The following NKAIN3 variants were observed in gnomAD, a reference collection of about 807,000 sequenced individuals.
NKAIN3 encodes sodium/potassium-transporting ATPase subunit beta-1-interacting protein 3.
A neutral mutation model predicts 30.2 loss-of-function variants in NKAIN3; 25 were observed. The observed-to-expected ratio is 0.83, with a 90% CI of 0.60 to 1.16. The LOEUF is 1.16. Among genes scored for constraint, NKAIN3 ranks in the 50% most tolerant of loss-of-function variants. NKAIN3 has a pLI of 0.00. For missense variants in NKAIN3, 225 were observed against 254.1 expected (o/e 0.89, Z 0.78); for synonymous variants, 91 against 89.6 (o/e 1.02, Z -0.09).
rs532834203 is a variant in NKAIN3 at position 62,394,640 on chromosome 8, G to T, written c.54+145513G>T. Among the ~76,000 whole-genome samples, 12 of 152,266 alleles carry T rather than the reference G, an allele frequency of 7.9e-5. No homozygotes were observed. The South Asian group carries it at 2.5e-3, about 32-fold the overall frequency. On this transcript the variant is annotated intron_variant, in intron 1 of 6. Transcript: ENST00000623646. ...CAGACAATGTGGTGGCCAGACAGAG[G>T]TGCTCCTCACTTCCCAGACCTGGCG...
rs572396657 is a variant in NKAIN3 at position 62,827,608 on chromosome 8, C to G, written c.471+80479C>G. On this transcript the variant is annotated intron_variant, in intron 4 of 6. Coordinates refer to ENST00000623646, the MANE Select transcript of NKAIN3 (RefSeq NM_001304533.3). ...TGTGTGTCTCTCTGACACCTGCTCCCAAGTCCATTATTATCCTCAATTCTC... is the reference window on the plus strand; with the variant it reads ...TGTGTGTCTCTCTGACACCTGCTCCGAAGTCCATTATTATCCTCAATTCTC... Among the ~76,000 whole-genome samples the G allele has an allele frequency of 5.3e-5, 8 of 152,210 alleles. No homozygotes were observed. The South Asian group carries it at 1.5e-3, about 28-fold the overall frequency.
At chr8:62,354,792 A>G (rs969327316) in intron 1 of NKAIN3, among the ~76,000 whole-genome samples, 6 of 152,150 alleles carry the variant, frequency 3.9e-5, no homozygotes, top group African/African-American at 1.4e-4. Flanking sequence ...CAGCATCTGT[A>G]TATCCAATCC....
intron 2 of NKAIN3, among the ~76,000 whole-genome samples, chr8:62,583,697 TTTCA>T (rs1194570393): frequency 3.3e-5 from 5 of 152,192 alleles, no homozygotes; most frequent in Non-Finnish European, 5.9e-5. Context: ...TGTGCTTTGC[TTTCA>T]CTGGCAGATT....
chr8:62,843,421 C>T (rs1433519674), intron 4 of NKAIN3, among the ~76,000 whole-genome samples: 1 of 151,810 alleles, frequency 6.6e-6, no homozygotes, highest in Non-Finnish European at 1.5e-5. Context: ...ACTGCAACCT[C>T]CACCTCACTC....
intron 3 of NKAIN3, among the ~76,000 whole-genome samples, chr8:62,669,909 A>T (rs186089406): frequency 6.6e-6 from 1 of 152,162 alleles, no homozygotes; most frequent in Non-Finnish European, 1.5e-5. Context: ...CTTGATTTTT[A>T]AAATGATATA....
chr8:62,416,217 T>C (rs1804440575), intron 1 of NKAIN3, among the ~76,000 whole-genome samples: 1 of 152,174 alleles, frequency 6.6e-6, no homozygotes, highest in South Asian at 2.1e-4. Flanking sequence ...CATCTACAAT[T>C]CATACTCATT....
At chr8:62,877,896 C>G (rs954808919) in intron 4 of NKAIN3, among the ~76,000 whole-genome samples, 11 of 151,858 alleles carry the variant, frequency 7.2e-5, no homozygotes, top group African/African-American at 2.7e-4. Context: ...CAAAATTAGC[C>G]GGGCATGGTG....
chr8:62,609,662 A>G (rs1811229343), intron 3 of NKAIN3, among the ~76,000 whole-genome samples: 1 of 151,974 alleles, frequency 6.6e-6, no homozygotes, highest in Admixed American at 6.5e-5. Flanking sequence ...AGAGAAAAAA[A>G]CAACAAAATA....
intron 1 of NKAIN3, among the ~76,000 whole-genome samples, chr8:62,454,966 G>A (rs1435088322): frequency 6.6e-6 from 1 of 152,166 alleles, no homozygotes. Flanking sequence ...AGTGAAGTTG[G>A]CACATGCCAA....
intron 1 of NKAIN3, among the ~76,000 whole-genome samples, chr8:62,319,715 G>A (rs571765548): frequency 2.6e-5 from 4 of 152,230 alleles, no homozygotes; most frequent in Admixed American, 2.0e-4. Flanking sequence ...TATAATTTCT[G>A]TTCTTTCACA....
chr8:62,392,231 A>C (rs1215999125), intron 1 of NKAIN3, among the ~76,000 whole-genome samples: 1 of 152,050 alleles, frequency 6.6e-6, no homozygotes, highest in Non-Finnish European at 1.5e-5. Context: ...TGTATTGGCA[A>C]TCACTTGGCT....
chr8:62,374,546 T>G (rs189594548), intron 1 of NKAIN3, among the ~76,000 whole-genome samples: 50 of 152,350 alleles, frequency 3.3e-4, no homozygotes, highest in African/African-American at 1.1e-3. Flanking sequence ...TGCTTCTATG[T>G]TTCAACTGTG....
intron 3 of NKAIN3, among the ~76,000 whole-genome samples, chr8:62,592,861 T>A (rs1810697038): frequency 6.6e-6 from 1 of 151,918 alleles, no homozygotes; most frequent in South Asian, 2.1e-4. Flanking sequence ...GATAAACAGA[T>A]GTTTTACAAT....
chr8:62,677,245 AAAC>A (rs1342283269), intron 3 of NKAIN3, among the ~76,000 whole-genome samples: 2 of 152,156 alleles, frequency 1.3e-5, no homozygotes, highest in East Asian at 1.9e-4. Flanking sequence ...AGGTTGGCAA[AAAC>A]AACAATTACT....
chr8:62,618,609 G>A (rs1811532044), intron 3 of NKAIN3, among the ~76,000 whole-genome samples: 1 of 151,836 alleles, frequency 6.6e-6, no homozygotes, highest in African/African-American at 2.4e-5. Flanking sequence ...GAAGAAAGAA[G>A]AAAGAAAGAA....
In NKAIN3 at chr8:62,594,174, A is replaced by T. The variant is rs147437373; in HGVS notation, c.273+4380A>T. On this transcript the variant is annotated intron_variant, in intron 3 of 6. Transcript: ENST00000623646. ...GGGTGGAGGTCCTTGCTCAGGATCA[A>T]TCTATCAAACATAAGAAATACATAA... 3.9e-5 allele frequency among the ~76,000 whole-genome samples: 6 copies of T among 152,154 alleles called. No individual in the cohort carries two copies. The East Asian group carries it at 1.2e-3, about 30-fold the overall frequency.
intron 5 of NKAIN3, among the ~76,000 whole-genome samples, chr8:62,927,833 A>G (rs532985766): frequency 2.7e-4 from 41 of 152,350 alleles, no homozygotes; most frequent in African/African-American, 9.6e-4. Context: ...TCAGCCAATA[A>G]AACAGAAATG....
chr8:62,790,277 ACT>A (rs1403884710), intron 4 of NKAIN3, among the ~76,000 whole-genome samples: 1 of 151,944 alleles, frequency 6.6e-6, no homozygotes, highest in Non-Finnish European at 1.5e-5. Context: ...CATGCTAAAA[ACT>A]CTCAATAAAT....
intron 4 of NKAIN3, among the ~76,000 whole-genome samples, chr8:62,807,192 A>C (rs1384631925): frequency 6.6e-6 from 1 of 152,214 alleles, no homozygotes; most frequent in Non-Finnish European, 1.5e-5. Context: ...AAAATACAAC[A>C]TATACCCTTG....
Sources: gnomAD v4.1 joint callset for allele counts (sites outside exome capture counted in the v4.1 genomes callset) on GRCh38, gnomAD v4.1.1 for gene constraint, MANE v1.5 for transcripts, NCBI Gene and HGNC (gene_info 2026-07-23, HGNC 2026-07-21) for gene names.